Variants in ANAPC16 observed in about 807,000 individuals in gnomAD.
ANAPC16 encodes the protein anaphase-promoting complex subunit 16.
ANAPC16 carries 6 observed loss-of-function variants against 13.1 expected under a neutral mutation model. That is an observed-to-expected ratio of 0.46 (90% CI 0.25 to 0.90). The LOEUF is 0.90. Ranked by LOEUF, ANAPC16 falls within the 40% of genes least tolerant of loss-of-function variation. The pLI is 0.18. For synonymous variants in ANAPC16, 55 were observed against 51.3 expected (o/e 1.07, Z -0.31); for missense variants, 113 against 131.1 (o/e 0.86, Z 0.67).
Position 72,230,380 on chromosome 10 carries a change from T to A in ANAPC16, c.157T>A (p.Phe53Ile). 6.2e-7 allele frequency: 1 copy of A among 1,614,052 alleles called. No individual in the cohort carries two copies. The highest frequency in any genetic ancestry group is 8.5e-7 in the Non-Finnish European group (1 of 1,179,964). Residue 53 changes from phenylalanine to isoleucine, a missense_variant, in exon 3 of 4, where the codon TTC (phenylalanine) becomes ATC (isoleucine). Physicochemically the swap from Phe to Ile is conservative, Grantham distance 21. Coordinates refer to ENST00000299381, the MANE Select transcript of ANAPC16 (RefSeq NM_173473.4). ...TTTGTTTGTAGATGGCTCTGAGAGA[T>A]TCCTCTGCGAATCTGTTTTTAGCTA... ...GEMLEDGSERFLCESVFSYQV... is the reference protein window; with the variant it reads ...GEMLEDGSERILCESVFSYQV...
At chr10:72,227,973 G>A (rs776612192) in intron 2 of ANAPC16, among the ~76,000 whole-genome samples, 58 of 151,096 alleles carry the variant, frequency 3.8e-4, no homozygotes, top group Non-Finnish European at 7.7e-4. Context: ...GGAGGTTGCA[G>A]TGAGCCGAGA....
chr10:72,228,870 A>G (rs1860205929), intron 2 of ANAPC16, among the ~76,000 whole-genome samples: 1 of 152,202 alleles, frequency 6.6e-6, no homozygotes, highest in South Asian at 2.1e-4. Context: ...TAACTATTTT[A>G]TCCTAATGGT....
At chr10:72,221,009 C>G (rs570158054) in intron 1 of ANAPC16, among the ~76,000 whole-genome samples, 1 of 152,254 alleles carries the variant, frequency 6.6e-6, no homozygotes, top group Non-Finnish European at 1.5e-5. Flanking sequence ...CTCCACCTCC[C>G]GAGTTCAAGC....
chr10:72,229,704 A>G lies in ANAPC16; in HGVS notation c.143-662A>G, dbSNP rs967019606. ...GCTTATGTTTCATGATCATCTTCCA[A>G]GTGCTGTGGCAACTGAGTTGGCCAC... On this transcript the variant is annotated intron_variant, in intron 2 of 3. Coordinates refer to ENST00000299381, the MANE Select transcript of ANAPC16 (RefSeq NM_173473.4). Among the ~76,000 whole-genome samples, 3 of 152,184 alleles carry G rather than the reference A, an allele frequency of 2.0e-5. No individual in the cohort carries two copies. The East Asian group carries it at 5.8e-4, about 29-fold the overall frequency.
intron 2 of ANAPC16, among the ~76,000 whole-genome samples, chr10:72,228,645 C>A (rs1860199518): frequency 6.6e-6 from 1 of 152,130 alleles, no homozygotes; most frequent in Admixed American, 6.6e-5. Flanking sequence ...TGGAGCAATT[C>A]CAGGCTTTAG....
chr10:72,224,022 C>T lies in ANAPC16; in HGVS notation c.108C>T (p.Phe36=). 6.2e-7 allele frequency: 1 copy of T among 1,611,624 alleles called. No individual in the cohort carries two copies. Among genetic ancestry groups the T allele is most frequent in the Non-Finnish European group, 8.5e-7 (1 of 1,178,008 alleles). ...TTGCCCCACCACGGAAAGCCCTTTT[C>T]ACCTACCCCAAAGGAGCTGGAGAGA... ...SDLAPPRKAL[F]TYPKGAGEML... is the part of the protein sequence containing the mutation. Residue 36 remains phenylalanine (F), a synonymous_variant, in exon 2 of 4, where the codon TTC becomes TTT. Transcript: ENST00000299381.
At chr10:72,231,773 T>A (rs920891728) in intron 3 of ANAPC16, among the ~76,000 whole-genome samples, 5 of 151,532 alleles carry the variant, frequency 3.3e-5, no homozygotes, top group African/African-American at 1.2e-4. Context: ...GCCAGGATGG[T>A]CTTGATCTCT....
rs1464544638 is a variant in ANAPC16 at position 72,234,000 on chromosome 10, T to C, written c.*884T>C. 4 of 150,636 alleles carry C rather than the reference T, an allele frequency of 2.7e-5. No individual in the cohort carries two copies. Among genetic ancestry groups the C allele is most frequent in the Non-Finnish European group, 2.9e-5 (2 of 67,992 alleles). 9.3% of individuals were successfully genotyped at this position (150,636 alleles called of 1,614,324 possible). A position where few individuals can be genotyped will look rare whatever the true frequency, so the allele number is the denominator to read the frequency against. ...AGTACATAAATTTATCTTAATGATA[T>C]TTAAGTAGTTTTTTTTTTTTTTTGA... On this transcript the variant is annotated 3_prime_UTR_variant, in exon 4 of 4. Transcript: ENST00000299381.
At chr10:72,223,437 C>T (rs1023032581) in intron 1 of ANAPC16, 1 of 152,382 alleles carries the variant, frequency 6.6e-6, no homozygotes, top group African/African-American at 2.4e-5. Flanking sequence ...GAACAGAACA[C>T]AGTGTTATTC....
intron 2 of ANAPC16, among the ~76,000 whole-genome samples, chr10:72,225,737 T>C (rs1282749084): frequency 6.6e-6 from 1 of 151,904 alleles, no homozygotes. Context: ...CCGTCTCTAC[T>C]AAAAATACAA....
intron 2 of ANAPC16, among the ~76,000 whole-genome samples, chr10:72,227,900 G>A (rs1183682714): frequency 6.7e-6 from 1 of 149,790 alleles, no homozygotes; most frequent in East Asian, 1.9e-4. Flanking sequence ...AAAAGGCATC[G>A]TGGTGTGTGC....
intron 1 of ANAPC16, chr10:72,223,607 C>T (rs1355049814): frequency 4.4e-6 from 1 of 226,128 alleles, no homozygotes; most frequent in African/African-American, 2.3e-5. Flanking sequence ...CTTCATAACT[C>T]ATAAATCACC....
chr10:72,231,583 GTC>G (rs1215322969), intron 3 of ANAPC16, among the ~76,000 whole-genome samples: 4 of 152,132 alleles, frequency 2.6e-5, no homozygotes, highest in African/African-American at 7.2e-5. Context: ...TTGAGACGGA[GTC>G]TCTCACTGTC....
At chr10:72,228,638 A>G (rs1860199423) in intron 2 of ANAPC16, among the ~76,000 whole-genome samples, 1 of 152,176 alleles carries the variant, frequency 6.6e-6, no homozygotes, top group African/African-American at 2.4e-5. Flanking sequence ...TCCGTTCTGG[A>G]GCAATTCCAG....
At position 72,228,029 on chromosome 10, in the gene ANAPC16, T is replaced by A. The variant is rs75695326; in HGVS notation, c.143-2337T>A. On this transcript the variant is annotated intron_variant, in intron 2 of 3. Coordinates refer to ENST00000299381, the MANE Select transcript of ANAPC16 (RefSeq NM_173473.4). The stretch of plus-strand genomic sequence containing the variant: ...CTGGGCGACAGAGCGAGACTTGGTT[T>A]AAAAAAAAAAAAAAAGGATATGAAA... Among the ~76,000 whole-genome samples, 292 of 124,820 alleles carry A rather than the reference T, an allele frequency of 2.3e-3. 1 individual carries two copies. Among genetic ancestry groups the A allele is most frequent in the African/African-American group, 0.011 (276 of 26,180 alleles). 81.9% of individuals were successfully genotyped at this position (124,820 alleles called of 152,430 possible).
intron 3 of ANAPC16, among the ~76,000 whole-genome samples, chr10:72,231,741 G>C (rs1379368396): frequency 2.6e-5 from 4 of 152,046 alleles, no homozygotes; most frequent in African/African-American, 9.7e-5. Flanking sequence ...ATTTTTAGTA[G>C]AGATGGGGTT....
intron 1 of ANAPC16, among the ~76,000 whole-genome samples, chr10:72,217,951 C>T (rs1291120211): frequency 6.6e-6 from 1 of 150,404 alleles, no homozygotes; most frequent in Non-Finnish European, 1.5e-5. Context: ...ATCCCAAAAC[C>T]TGAAAAAAAA....
chr10:72,228,227 C>T (rs1048606274), intron 2 of ANAPC16, among the ~76,000 whole-genome samples: 5 of 152,138 alleles, frequency 3.3e-5, no homozygotes, highest in Non-Finnish European at 2.9e-5. Flanking sequence ...TTTTGTGCCT[C>T]TGCTCTCTGA....
At chr10:72,226,977 T>C (rs1384823287) in intron 2 of ANAPC16, among the ~76,000 whole-genome samples, 4 of 152,192 alleles carry the variant, frequency 2.6e-5, no homozygotes, top group Admixed American at 2.6e-4. Context: ...AGTGAACAAT[T>C]GGGGCCCTGT....
Sources: gnomAD v4.1 joint callset for allele counts (sites outside exome capture counted in the v4.1 genomes callset) on GRCh38, gnomAD v4.1.1 for gene constraint, MANE v1.5 for transcripts, NCBI Gene and HGNC (gene_info 2026-07-23, HGNC 2026-07-21) for gene names.